The following CPT1A variants were observed in gnomAD, a reference collection of about 807,000 sequenced individuals.
CPT1A encodes the protein carnitine O-palmitoyltransferase 1, liver isoform.
A neutral mutation model predicts 100.8 loss-of-function variants in CPT1A; 64 were observed. That is an observed-to-expected ratio of 0.63 (90% CI 0.52 to 0.78). The LOEUF is 0.78. Among genes scored for constraint, CPT1A ranks in the 30% least tolerant of loss-of-function variants. The pLI, the probability that CPT1A is intolerant of heterozygous loss-of-function variation, is 0.00. For synonymous variants in CPT1A, 363 were observed against 396.0 expected, an observed-to-expected ratio of 0.92 and a Z score of 0.99; for missense variants, 802 against 1,034.1, an observed-to-expected ratio of 0.78 and a Z score of 3.08.
intron 1 of CPT1A, among the ~76,000 whole-genome samples, chr11:68,836,105 T>C (rs927417868): frequency 6.6e-6 from 1 of 152,226 alleles, no homozygotes; most frequent in Non-Finnish European, 1.5e-5. Context: ...GTATACCTTT[T>C]AGCAATCTGT....
At chr11:68,761,422 C>G in intron 16 of CPT1A, 113 bp downstream of exon 16, 1 of 1,236,174 alleles carries the variant, frequency 8.1e-7, no homozygotes, top group Non-Finnish European at 1.2e-6. Context: ...CCCACAGACC[C>G]GTTTTTTTCA....
chr11:68,795,062 T>C, intron 7 of CPT1A, 151 bp from the exon 8 acceptor site: 1 of 703,124 alleles, frequency 1.4e-6, no homozygotes, highest in Non-Finnish European at 2.6e-6. Flanking sequence ...ACAAAATAAA[T>C]GGTAATTTGA....
chr11:68,798,551 C>G (rs1024029296), intron 6 of CPT1A, among the ~76,000 whole-genome samples: 4 of 152,136 alleles, frequency 2.6e-5, no homozygotes, highest in African/African-American at 9.7e-5. Flanking sequence ...CCAGCCAGCT[C>G]CCCGCACACA....
intron 1 of CPT1A, among the ~76,000 whole-genome samples, chr11:68,826,937 G>C: frequency 6.6e-6 from 1 of 152,094 alleles, no homozygotes; most frequent in East Asian, 1.9e-4. Context: ...CTGAGACTGG[G>C]ATGGGCAGAC....
chr11:68,769,704 C>A (rs892050530), intron 14 of CPT1A, among the ~76,000 whole-genome samples: 8 of 152,100 alleles, frequency 5.3e-5, no homozygotes, highest in African/African-American at 1.9e-4. Context: ...ATCAACTGGG[C>A]AAGCTCCTCT....
chr11:68,754,623 C>G (rs1328547758), downstream of CPT1A: 1 of 595,838 alleles, frequency 1.7e-6, no homozygotes, highest in African/African-American at 1.9e-5. Context: ...TCATGCATTA[C>G]TTTTAACATA....
chr11:68,837,054 T>C (rs970162347), intron 1 of CPT1A, among the ~76,000 whole-genome samples: 1 of 152,092 alleles, frequency 6.6e-6, no homozygotes, highest in African/African-American at 2.4e-5. Flanking sequence ...CTCTTCTCTT[T>C]TCTTTTCTTT....
At chr11:68,762,969 C>G (rs1017088655) in intron 14 of CPT1A, among the ~76,000 whole-genome samples, 10 of 152,148 alleles carry the variant, frequency 6.6e-5, no homozygotes, top group East Asian at 1.9e-4. Context: ...GTGATCCCCC[C>G]ACCTCAGCCT....
intron 1 of CPT1A, among the ~76,000 whole-genome samples, chr11:68,826,442 A>G (rs1856732066): frequency 6.9e-6 from 1 of 144,922 alleles, no homozygotes; most frequent in East Asian, 2.0e-4. Context: ...ACTCCGTCTC[A>G]AAAAAAAAAA....
chr11:68,760,642 A>C (rs997970743), intron 16 of CPT1A, among the ~76,000 whole-genome samples: 4 of 152,198 alleles, frequency 2.6e-5, no homozygotes, highest in Admixed American at 2.6e-4. Flanking sequence ...GAGGTGTCAG[A>C]CTTGTACCAA....
chr11:68,813,721 G>A (rs1047125533), intron 2 of CPT1A, among the ~76,000 whole-genome samples: 5 of 151,352 alleles, frequency 3.3e-5, no homozygotes, highest in Admixed American at 2.0e-4. Context: ...GGGGAGGGGA[G>A]GGGAGAGGGA....
intron 1 of CPT1A, among the ~76,000 whole-genome samples, chr11:68,816,203 T>C (rs2924689): frequency 0.13 from 20,350 of 152,186 alleles, 3,361 homozygotes; most frequent in African/African-American, 0.39. Flanking sequence ...AGCCCTAGAC[T>C]CTGAACTTCG....
chr11:68,843,544 C>T (rs1418703489), upstream of CPT1A, among the ~76,000 whole-genome samples: 2 of 152,196 alleles, frequency 1.3e-5, no homozygotes, highest in African/African-American at 4.8e-5. This position sits in a 1 kb window ranked among gnomAD's most constrained non-coding sequence, Gnocchi z 4.0. Context: ...CACTGCCACC[C>T]GCGCGTGCAA....
rs541487171 is a variant in CPT1A, at chr11:68,819,857, G to A, written c.-13-4370C>T. On this transcript the variant is annotated intron_variant, in intron 1 of 18. Transcript: ENST00000265641. ...TAGCCTCTCCCTCTTTGAGCCATGA[G>A]CAGAAATGAGTGAATCCAACAAGGG... Among the ~76,000 whole-genome samples the A allele has an allele frequency of 2.0e-5, 3 of 152,302 alleles. No individual in the cohort carries two copies. The South Asian group carries it at 6.2e-4, about 32-fold the overall frequency.
intron 7 of CPT1A, among the ~76,000 whole-genome samples, chr11:68,796,167 G>A (rs1317858072): frequency 6.6e-6 from 1 of 152,148 alleles, no homozygotes; most frequent in Non-Finnish European, 1.5e-5. Context: ...GCGCACTGGT[G>A]GCAGGATCTT....
At chr11:68,768,109 A>T (rs7926742) in intron 14 of CPT1A, among the ~76,000 whole-genome samples, 122,912 of 133,904 alleles carry the variant, frequency 0.92, 56,439 homozygotes, top group East Asian at 0.98. Flanking sequence ...GGAGTCTCGC[A>T]CTGTCACCCA....
At chr11:68,761,816 G>A in intron 15 of CPT1A, 129 bp from the exon 16 acceptor site, 1 of 1,126,662 alleles carries the variant, frequency 8.9e-7, no homozygotes, top group Non-Finnish European at 1.3e-6. Context: ...TCAACATGTT[G>A]CCCAGGGTGG....
chr11:68,805,104 C>G (rs892505117), intron 4 of CPT1A, among the ~76,000 whole-genome samples: 1 of 152,162 alleles, frequency 6.6e-6, no homozygotes, highest in African/African-American at 2.4e-5. Context: ...AATTCTGCTT[C>G]TCTAGAAATC....
intron 2 of CPT1A, among the ~76,000 whole-genome samples, chr11:68,814,904 C>G (rs1856340565): frequency 6.6e-6 from 1 of 151,880 alleles, no homozygotes; most frequent in African/African-American, 2.4e-5. Context: ...CCAGGCTGGT[C>G]TTAAACTCCT....
Sources: allele counts gnomAD v4.1 joint callset (sites outside exome capture counted in the v4.1 genomes callset), GRCh38; gene constraint gnomAD v4.1.1; non-coding constraint Gnocchi (gnomAD v3.1); transcripts MANE v1.5; gene names NCBI Gene and HGNC (gene_info 2026-07-23, HGNC 2026-07-21).